LDB2: variants seen among roughly 807,000 people sequenced by gnomAD.
The protein encoded by LDB2 is LIM domain-binding protein 2.
LDB2 carries 12 observed loss-of-function variants against 44.3 expected under a neutral mutation model. The ratio of observed to expected loss-of-function variants is 0.27; its 90% confidence interval spans 0.17 to 0.44. The LOEUF is 0.44. Ranked by LOEUF, LDB2 falls within the 20% of genes least tolerant of loss-of-function variation. The probability of loss-of-function intolerance (pLI) is 1.00; values close to 1 mark genes in which losing one functional copy is unlikely to be tolerated. For synonymous variants in LDB2, 164 were observed against 174.8 expected, an observed-to-expected ratio of 0.94 and a Z score of 0.49; for missense variants, 344 against 473.5, an observed-to-expected ratio of 0.73 and a Z score of 2.54.
intron 1 of LDB2, among the ~76,000 whole-genome samples, chr4:16,805,715 A>C (rs564841009): frequency 2.2e-4 from 34 of 152,342 alleles, no homozygotes; most frequent in African/African-American, 7.9e-4. Context: ...TAGCAATTAC[A>C]GGGACGAAAG....
At chr4:16,701,447 A>C (rs189370821) in intron 2 of LDB2, among the ~76,000 whole-genome samples, 10 of 152,340 alleles carry the variant, frequency 6.6e-5, no homozygotes, top group East Asian at 1.9e-4. Context: ...TATCAGAACA[A>C]GTAATGATGA....
intron 1 of LDB2, among the ~76,000 whole-genome samples, chr4:16,856,491 G>A (rs1247580727): frequency 1.3e-5 from 2 of 152,056 alleles, no homozygotes; most frequent in African/African-American, 2.4e-5. Context: ...CAAAAACCAC[G>A]CGGTAAATAT....
chr4:16,749,349 G>A (rs1764985775), intron 2 of LDB2, among the ~76,000 whole-genome samples: 2 of 151,784 alleles, frequency 1.3e-5, no homozygotes, highest in African/African-American at 4.8e-5. Flanking sequence ...CACAAGGTCA[G>A]GAGTTCGAGA....
At chr4:16,565,822 C>A (rs529970118) in intron 5 of LDB2, among the ~76,000 whole-genome samples, 36 of 152,062 alleles carry the variant, frequency 2.4e-4, no homozygotes, top group African/African-American at 8.7e-4. Flanking sequence ...AAGTCAATAA[C>A]TTTCGTAAGT....
At chr4:16,756,968 T>A (rs1242585279) in intron 2 of LDB2, among the ~76,000 whole-genome samples, 1 of 151,438 alleles carries the variant, frequency 6.6e-6, no homozygotes, top group African/African-American at 2.4e-5. Flanking sequence ...TTTTTTTTTT[T>A]AACAAATACT....
chr4:16,812,432 C>T (rs1271573792), intron 1 of LDB2, among the ~76,000 whole-genome samples: 5 of 151,882 alleles, frequency 3.3e-5, no homozygotes, highest in African/African-American at 4.8e-5. Context: ...TTTTGTTCCC[C>T]TAAATTCAAA....
intron 3 of LDB2, among the ~76,000 whole-genome samples, chr4:16,589,186 A>G (rs1003793021): frequency 1.6e-4 from 24 of 152,218 alleles, no homozygotes; most frequent in Middle Eastern, 3.2e-3. Flanking sequence ...TCCTTCAACC[A>G]TAGAGGCTTG....
At chr4:16,768,018 G>T (rs768080119) in intron 1 of LDB2, among the ~76,000 whole-genome samples, 15 of 152,116 alleles carry the variant, frequency 9.9e-5, no homozygotes, top group Non-Finnish European at 2.1e-4. Context: ...TGCCAGGGCT[G>T]CCCCTCGGCA....
At chr4:16,672,840 C>CTT (rs1295085446) in intron 2 of LDB2, among the ~76,000 whole-genome samples, 4 of 147,464 alleles carry the variant, frequency 2.7e-5, no homozygotes, top group Non-Finnish European at 1.5e-5. Context: ...TCTTTCCTTC[C>CTT]TTCCTTCCTT....
chr4:16,792,655 G>A lies in LDB2; in HGVS notation c.133-33395C>T, dbSNP rs199909659. Reference sequence around the variant, plus strand: ...GCAAAGAGCCCATAGACATTACCCTGCCAATCTGGACAGATAAATGTGAAA... The same window carrying A: ...GCAAAGAGCCCATAGACATTACCCTACCAATCTGGACAGATAAATGTGAAA... On this transcript the variant is annotated intron_variant, in intron 1 of 7. Coordinates refer to ENST00000304523, the MANE Select transcript of LDB2 (RefSeq NM_001290.5). 2.0e-5 allele frequency among the ~76,000 whole-genome samples: 3 copies of A among 152,216 alleles called. No individual in the cohort carries two copies. In the East Asian group the frequency reaches 5.8e-4, roughly 29 times the overall value.
intron 2 of LDB2, among the ~76,000 whole-genome samples, chr4:16,617,765 A>G (rs909156742): frequency 2.0e-5 from 3 of 152,192 alleles, no homozygotes; most frequent in Admixed American, 2.0e-4. Context: ...AAGAAGTGAA[A>G]CTAATATATG....
intron 5 of LDB2, among the ~76,000 whole-genome samples, chr4:16,569,269 T>C (rs1471723485): frequency 2.6e-5 from 4 of 152,264 alleles, no homozygotes; most frequent in Admixed American, 2.6e-4. Context: ...AGTTGACTTC[T>C]GCTCTTAAGT....
intron 1 of LDB2, among the ~76,000 whole-genome samples, chr4:16,771,412 C>G (rs560175445): frequency 1.3e-5 from 2 of 152,132 alleles, no homozygotes; most frequent in Non-Finnish European, 2.9e-5. Flanking sequence ...CAGTGACACC[C>G]AAGTACATAT....
chr4:16,869,977 A>G (rs1283089794), intron 1 of LDB2, among the ~76,000 whole-genome samples: 2 of 152,022 alleles, frequency 1.3e-5, no homozygotes, highest in Non-Finnish European at 2.9e-5. Flanking sequence ...GTCTTTGGGG[A>G]CTTGTTCTTT....
intron 1 of LDB2, among the ~76,000 whole-genome samples, chr4:16,820,116 T>C (rs1312690194): frequency 6.6e-6 from 1 of 152,192 alleles, no homozygotes; most frequent in East Asian, 1.9e-4. Flanking sequence ...AGGAATAAAG[T>C]TCAAATGGAC....
intron 1 of LDB2, among the ~76,000 whole-genome samples, chr4:16,810,375 T>G (rs185821691): frequency 2.0e-5 from 3 of 152,346 alleles, no homozygotes; most frequent in East Asian, 3.9e-4. Flanking sequence ...ACATTATCTA[T>G]GTTGAACTTT....
chr4:16,817,006 T>G (rs1781063990), intron 1 of LDB2, among the ~76,000 whole-genome samples: 1 of 152,150 alleles, frequency 6.6e-6, no homozygotes, highest in Admixed American at 6.5e-5. Flanking sequence ...TTTTATTGGC[T>G]TCAGTATTGC....
At chr4:16,885,024 G>A (rs1444055510) in intron 1 of LDB2, among the ~76,000 whole-genome samples, 1 of 152,074 alleles carries the variant, frequency 6.6e-6, no homozygotes, top group African/African-American at 2.4e-5. Flanking sequence ...TGTTGTACTA[G>A]AAGCATACGT....
chr4:16,598,441 T>C (rs1490479780), intron 2 of LDB2, among the ~76,000 whole-genome samples: 1 of 152,158 alleles, frequency 6.6e-6, no homozygotes. Flanking sequence ...GGAGAAGCTG[T>C]CCAGGAAGTG....
Sources: allele counts gnomAD v4.1 joint callset (sites outside exome capture counted in the v4.1 genomes callset), GRCh38; gene constraint gnomAD v4.1.1; transcripts MANE v1.5; gene names NCBI Gene and HGNC (gene_info 2026-07-23, HGNC 2026-07-21).